The following KATNA1 variants were observed in gnomAD, a reference collection of about 807,000 sequenced individuals.
The protein encoded by KATNA1 is katanin catalytic subunit A1.
A neutral mutation model predicts 62.6 loss-of-function variants in KATNA1; 42 were observed. The ratio of observed to expected loss-of-function variants is 0.67; its 90% CI spans 0.52 to 0.87. The LOEUF (loss-of-function observed/expected upper bound fraction) is 0.87. Ranked by LOEUF, KATNA1 falls within the 40% of genes least tolerant of loss-of-function variation. The pLI, the probability that KATNA1 is intolerant of heterozygous loss-of-function variation, is 0.00. For missense variants in KATNA1, 498 were observed against 612.5 expected, an observed-to-expected ratio of 0.81 and a Z score of 1.97; for synonymous variants, 186 against 201.9, an observed-to-expected ratio of 0.92 and a Z score of 0.67.
intron 7 of KATNA1, among the ~76,000 whole-genome samples, chr6:149,601,242 T>C (rs1778532413): frequency 6.6e-6 from 1 of 152,216 alleles, no homozygotes; most frequent in African/African-American, 2.4e-5. Context: ...CAATAAATTA[T>C]GATTCTCACC....
intron 2 of KATNA1, among the ~76,000 whole-genome samples, chr6:149,637,414 T>A (rs568661832): frequency 1.3e-5 from 2 of 152,220 alleles, no homozygotes; most frequent in South Asian, 4.1e-4. Context: ...AAAAGTTTTT[T>A]AAAAAATATG....
At chr6:149,614,243 TG>T (rs2115104553) in intron 4 of KATNA1, among the ~76,000 whole-genome samples, 1 of 152,244 alleles carries the variant, frequency 6.6e-6, no homozygotes, top group African/African-American at 2.4e-5. Flanking sequence ...TAGGTATGTG[TG>T]TTTTGATTGC....
chr6:149,647,620 C>G (rs1230112412), intron 1 of KATNA1, among the ~76,000 whole-genome samples: 8 of 150,072 alleles, frequency 5.3e-5, no homozygotes. Flanking sequence ...AAAAACATTT[C>G]AAGAATCTGT....
At chr6:149,623,014 GA>G (rs1562292891) in intron 4 of KATNA1, 88 bp downstream of exon 4, 2 of 1,078,598 alleles carry the variant, frequency 1.9e-6, no homozygotes, top group African/African-American at 1.6e-5. Flanking sequence ...CTCAAAAAAG[GA>G]AAAAAAGAAA....
chr6:149,607,313 T>C (rs58933940), intron 4 of KATNA1, among the ~76,000 whole-genome samples: 1 of 152,214 alleles, frequency 6.6e-6, no homozygotes, highest in Non-Finnish European at 1.5e-5. Flanking sequence ...TAGATATACA[T>C]CTATCTAATA....
intron 4 of KATNA1, among the ~76,000 whole-genome samples, chr6:149,614,843 C>G (rs1383056886): frequency 6.6e-6 from 1 of 152,088 alleles, no homozygotes; most frequent in African/African-American, 2.4e-5. Flanking sequence ...ACTGCAAAAA[C>G]TCAACTAAAT....
At chr6:149,606,220 A>G (rs745575140) in intron 4 of KATNA1, among the ~76,000 whole-genome samples, 5 of 152,222 alleles carry the variant, frequency 3.3e-5, no homozygotes, top group Non-Finnish European at 7.3e-5. Flanking sequence ...TTAAACTGCT[A>G]GAACATAAAC....
intron 4 of KATNA1, among the ~76,000 whole-genome samples, chr6:149,608,404 A>G (rs1002021240): frequency 3.3e-5 from 5 of 152,178 alleles, no homozygotes; most frequent in African/African-American, 1.2e-4. Flanking sequence ...GAACAAACAA[A>G]AACACCCCAA....
intron 4 of KATNA1, among the ~76,000 whole-genome samples, chr6:149,621,100 G>C (rs531868200): frequency 6.6e-6 from 1 of 151,398 alleles, no homozygotes. Context: ...CCAGTAATAG[G>C]ACAAACAGAA....
At chr6:149,619,462 A>G (rs1779310596) in intron 4 of KATNA1, among the ~76,000 whole-genome samples, 1 of 152,068 alleles carries the variant, frequency 6.6e-6, no homozygotes, top group Non-Finnish European at 1.5e-5. Flanking sequence ...AAATACAAAA[A>G]ATTAGCTAGG....
intron 2 of KATNA1, among the ~76,000 whole-genome samples, chr6:149,636,959 C>CT (rs965472282): frequency 1.3e-5 from 2 of 151,670 alleles, no homozygotes; most frequent in African/African-American, 2.4e-5. Context: ...TTTTCTTAAC[C>CT]TTTTTTTCCT....
Position 149,594,935 on chromosome 6 carries a change from C to T in KATNA1, c.*101G>A. 5 of 872,792 alleles carry T rather than the reference C, an allele frequency of 5.7e-6. No homozygotes were observed. The highest frequency in any genetic ancestry group is 2.0e-5 in the South Asian group (1 of 49,046). 54.1% of individuals were successfully genotyped at this position (872,792 alleles called of 1,614,324 possible). A position where few individuals can be genotyped will look rare whatever the true frequency, so the allele number is the denominator to read the frequency against. ...AAGGGTTTTTTTAAAAAAATCTTACCATTATGAAAGTTAAAAAAAATATAG... is the reference window on the plus strand; with the variant it reads ...AAGGGTTTTTTTAAAAAAATCTTACTATTATGAAAGTTAAAAAAAATATAG... On this transcript the variant is annotated 3_prime_UTR_variant, in exon 11 of 11. Transcript: ENST00000367411.
intron 3 of KATNA1, among the ~76,000 whole-genome samples, chr6:149,630,607 G>C (rs943941023): frequency 6.6e-6 from 1 of 152,082 alleles, no homozygotes; most frequent in African/African-American, 2.4e-5. Flanking sequence ...CAGCCTGGGC[G>C]AAAGAGCAAG....
chr6:149,619,410 C>T (rs926179602), intron 4 of KATNA1, among the ~76,000 whole-genome samples: 5 of 151,984 alleles, frequency 3.3e-5, no homozygotes, highest in African/African-American at 1.2e-4. Flanking sequence ...CTCAGGGGTT[C>T]GAGACCAGAC....
chr6:149,608,385 C>G (rs931866746), intron 4 of KATNA1, among the ~76,000 whole-genome samples: 4 of 152,150 alleles, frequency 2.6e-5, no homozygotes, highest in African/African-American at 9.7e-5. Context: ...AACCTGGATA[C>G]GCCAATTTGA....
At chr6:149,647,202 C>CA (rs749933348) in intron 1 of KATNA1, among the ~76,000 whole-genome samples, 47 of 151,162 alleles carry the variant, frequency 3.1e-4, no homozygotes, top group Non-Finnish European at 6.2e-4. Context: ...TAATACAAAA[C>CA]AAAGTTTTGC....
intron 3 of KATNA1, among the ~76,000 whole-genome samples, chr6:149,625,524 G>A (rs376208456): frequency 2.0e-5 from 3 of 152,238 alleles, no homozygotes; most frequent in African/African-American, 7.2e-5. Flanking sequence ...CAGCTACTCA[G>A]GAGGCTGAGG....
intron 4 of KATNA1, among the ~76,000 whole-genome samples, chr6:149,621,056 C>A (rs1779373039): frequency 6.6e-6 from 1 of 151,764 alleles, no homozygotes; most frequent in Non-Finnish European, 1.5e-5. Flanking sequence ...AGAGACCAAG[C>A]AGACACCACC....
At chr6:149,626,670 GTGTGCAGGGTA>G (rs1187469077) in intron 3 of KATNA1, among the ~76,000 whole-genome samples, 1 of 151,760 alleles carries the variant, frequency 6.6e-6, no homozygotes. Flanking sequence ...ACAGGAGGAT[GTGTGCAGGGTA>G]TGTGCAAATA....
Sources: gnomAD v4.1 joint callset for allele counts (sites outside exome capture counted in the v4.1 genomes callset) on GRCh38, gnomAD v4.1.1 for gene constraint, MANE v1.5 for transcripts, NCBI Gene and HGNC (gene_info 2026-07-23, HGNC 2026-07-21) for gene names.